ACO2: variants seen among roughly 807,000 people sequenced by gnomAD.
The protein encoded by ACO2 is aconitase 2.
ACO2 carries 31 observed loss-of-function variants against 84.5 expected under a neutral mutation model. The ratio of observed to expected loss-of-function variants is 0.37; its 90% CI spans 0.28 to 0.50. The LOEUF is 0.50. ACO2 is among the 20% of genes least tolerant of loss of function. The pLI is 0.97. For synonymous variants in ACO2, 414 were observed against 412.7 expected, an observed-to-expected ratio of 1.00 and a Z score of -0.04; for missense variants, 685 against 1,029.3, an observed-to-expected ratio of 0.67 and a Z score of 4.58.
At chr22:41,510,093 C>G (rs2066423430) in intron 3 of ACO2, among the ~76,000 whole-genome samples, 1 of 152,188 alleles carries the variant, frequency 6.6e-6, no homozygotes, top group Admixed American at 6.5e-5. Context: ...ACCTCGGCCT[C>G]CCAAAGTGCT....
At chr22:41,510,227 T>C (rs533647797) in intron 3 of ACO2, among the ~76,000 whole-genome samples, 4 of 152,134 alleles carry the variant, frequency 2.6e-5, no homozygotes, top group Admixed American at 6.6e-5. Context: ...GAACCAGAGA[T>C]GGATCCAGGC....
intron 1 of ACO2, among the ~76,000 whole-genome samples, chr22:41,479,050 C>T (rs1433170479): frequency 6.6e-6 from 1 of 152,168 alleles, no homozygotes; most frequent in Non-Finnish European, 1.5e-5. Context: ...AGTGTGTTCA[C>T]AGAGCTCTAA....
chr22:41,494,383 T>G (rs2066296115), intron 1 of ACO2, among the ~76,000 whole-genome samples: 1 of 152,032 alleles, frequency 6.6e-6, no homozygotes, highest in Non-Finnish European at 1.5e-5. Context: ...ATCATAGTCT[T>G]TCTTTACCCA....
At position 41,515,729 on chromosome 22, in the gene ACO2, C is replaced by CA; in HGVS notation, c.685-37dup. The stretch of plus-strand genomic sequence containing the variant: ...TGACTTCGTGGCTGGCACAGGCACA[C>CA]ACGGCCTCTCACAGCCGCCTCGCCC... On this transcript the variant is annotated intron_variant, in intron 5 of 17. Transcript: ENST00000216254. The surrounding 1 kb of genome is among the most constrained non-coding windows in gnomAD (Gnocchi z 5.8). 6.2e-7 allele frequency: 1 copy of CA among 1,611,918 alleles called. No homozygotes were observed. Among genetic ancestry groups the CA allele is most frequent in the Non-Finnish European group, 8.5e-7 (1 of 1,179,668 alleles).
intron 1 of ACO2, among the ~76,000 whole-genome samples, chr22:41,475,503 G>A (rs765528999): frequency 7.2e-5 from 11 of 152,002 alleles, no homozygotes; most frequent in Non-Finnish European, 1.2e-4. Context: ...GACTTGCCTC[G>A]TTTTCCCAGC....
chr22:41,522,684 CT>C, intron 9 of ACO2, 145 bp from the exon 10 acceptor site: 1 of 833,604 alleles, frequency 1.2e-6, no homozygotes, highest in Middle Eastern at 3.6e-4. Context: ...ATTTCGGTTG[CT>C]TGCAACTGGT....
rs1196636709 is a variant in ACO2 at position 41,507,787 on chromosome 22, A to G, written c.174-4A>G. The stretch of plus-strand genomic sequence containing the variant: ...AGGCCACCCTTCTGCTCTTCTCCCC[A>G]CAGACTGAACCGGCCGCTGACACTC... On this transcript the variant is annotated splice_polypyrimidine_tract_variant and splice_region_variant and intron_variant, in intron 2 of 17. Transcript: ENST00000216254. 6.2e-7 allele frequency: 1 copy of G among 1,612,640 alleles called. No individual in the cohort carries two copies. Among genetic ancestry groups the G allele is most frequent in the South Asian group, 1.1e-5 (1 of 90,916 alleles).
chr22:41,523,320 G>T, intron 11 of ACO2, 42 bp downstream of exon 11: 2 of 1,504,592 alleles, frequency 1.3e-6, no homozygotes, highest in Non-Finnish European at 1.8e-6. Flanking sequence ...CTTGTGCACA[G>T]GGTACAGAGC....
chr22:41,508,344 G>A (rs1368799881), intron 3 of ACO2, among the ~76,000 whole-genome samples: 2 of 152,216 alleles, frequency 1.3e-5, no homozygotes, highest in Non-Finnish European at 2.9e-5. Context: ...TGCTCTGGAA[G>A]GGGCCATGCA....
intron 12 of ACO2, 148 bp from the exon 13 acceptor site, chr22:41,524,698 A>C: frequency 7.8e-7 from 1 of 1,275,740 alleles, no homozygotes; most frequent in Non-Finnish European, 1.1e-6. Flanking sequence ...ATCGTCCTGC[A>C]GCTCTGGCCT....
chr22:41,483,358 T>C (rs967269624), intron 1 of ACO2, among the ~76,000 whole-genome samples: 1 of 152,246 alleles, frequency 6.6e-6, no homozygotes, highest in Middle Eastern at 3.2e-3. Context: ...CTCTGTAAAG[T>C]TATTTTTAAA....
chr22:41,475,420 A>G (rs1259809608), intron 1 of ACO2, among the ~76,000 whole-genome samples: 1 of 151,840 alleles, frequency 6.6e-6, no homozygotes, highest in Non-Finnish European at 1.5e-5. Flanking sequence ...AAGTGCTGGG[A>G]TTATAGGCGC....
At position 41,499,944 on chromosome 22, in the gene ACO2, G is replaced by A. The variant is rs117333044; in HGVS notation, c.173+82G>A. ...CGTCAGGCAGAGAAGGAGGTGTTTT[G>A]TGAAGGATGCTTGGTGATAGTGGCA... On this transcript the variant is annotated intron_variant, in intron 2 of 17. Transcript: ENST00000216254. 7,097 of 1,553,194 alleles carry A rather than the reference G, an allele frequency of 4.6e-3. 24 individuals carry two copies. The highest frequency in any genetic ancestry group is 5.4e-3 in the Non-Finnish European group (6,202 of 1,138,244).
At position 41,517,556 on chromosome 22, in the gene ACO2, G is replaced by A; in HGVS notation, c.865G>A (p.Glu289Lys). Residue 289 changes from glutamate to lysine, a missense_variant, in exon 7 of 18, where the codon GAA becomes AAA. By Grantham distance (56) the Glu-to-Lys change is moderately conservative (BLOSUM62 1). Coordinates refer to ENST00000216254, the MANE Select transcript of ACO2 (RefSeq NM_001098.3). ...GMATICNMGA[E>K]IGATTSVFPY... is the part of the protein sequence containing the mutation. ...GGCGACAATCTGCAACATGGGTGCA[G>A]AAATTGGGGCCACCACTTCCGTGTT... 6.2e-7 allele frequency: 1 copy of A among 1,614,044 alleles called. No homozygotes were observed. Among genetic ancestry groups the A allele is most frequent in the Non-Finnish European group, 8.5e-7 (1 of 1,180,018 alleles).
chr22:41,484,128 T>C (rs977008794), intron 1 of ACO2, among the ~76,000 whole-genome samples: 1 of 152,242 alleles, frequency 6.6e-6, no homozygotes, highest in African/African-American at 2.4e-5. Flanking sequence ...TTTATAATGA[T>C]AGTTTTTAAA....
In ACO2 at chr22:41,515,081, T is replaced by C. The variant is rs150544482; in HGVS notation, c.526-296T>C. 1.6e-4 allele frequency among the ~76,000 whole-genome samples: 25 copies of C among 152,278 alleles called. 2 individuals are homozygous for C. The East Asian group carries it at 4.8e-3, about 29-fold the overall frequency. On this transcript the variant is annotated intron_variant, in intron 4 of 17. Transcript: ENST00000216254. This position sits in a 1 kb window ranked among gnomAD's most constrained non-coding sequence, Gnocchi z 5.8. ...GTCACATCCTGGGGTCATGGTGGTA[T>C]GGGTGTTTGGTTACTGTGCTACAAA... is the stretch of plus-strand genomic sequence containing the variant.
chr22:41,508,127 C>T, intron 3 of ACO2, 78 bp downstream of exon 3: 8 of 1,506,986 alleles, frequency 5.3e-6, no homozygotes, highest in Non-Finnish European at 7.2e-6. Context: ...TGGAGCAAAC[C>T]AGGGCATTGC....
chr22:41,478,566 C>T (rs1455300811), intron 1 of ACO2, among the ~76,000 whole-genome samples: 1 of 152,082 alleles, frequency 6.6e-6, no homozygotes, highest in Admixed American at 6.6e-5. Flanking sequence ...GTTATATTTG[C>T]AGTATTTATT....
chr22:41,522,682 T>C, intron 9 of ACO2, 148 bp from the exon 10 acceptor site: 1 of 798,858 alleles, frequency 1.3e-6, no homozygotes, highest in Non-Finnish European at 2.0e-6. Flanking sequence ...ATATTTCGGT[T>C]GCTTGCAACT....
Sources: gnomAD v4.1 joint callset for allele counts (sites outside exome capture counted in the v4.1 genomes callset) on GRCh38, gnomAD v4.1.1 for gene constraint, Gnocchi (gnomAD v3.1) non-coding constraint, MANE v1.5 for transcripts, NCBI Gene and HGNC (gene_info 2026-07-23, HGNC 2026-07-21) for gene names.